Variants in DPH6 observed in about 807,000 individuals in gnomAD.
DPH6 encodes diphthine--ammonia ligase.
A neutral mutation model predicts 38.2 loss-of-function variants in DPH6; 33 were observed. The ratio of observed to expected loss-of-function variants is 0.86; its 90% CI spans 0.65 to 1.15. The LOEUF (loss-of-function observed/expected upper bound fraction) is 1.15, where lower values mean the gene tolerates loss of function less well. Ranked by LOEUF, DPH6 falls within the 50% of genes most tolerant of loss-of-function variation. The pLI is 0.00. For synonymous variants in DPH6, 108 were observed against 103.0 expected (o/e 1.05, Z -0.30); for missense variants, 325 against 320.0 (o/e 1.02, Z -0.12).
chr15:35,465,487 A>G (rs1006680174), intron 3 of DPH6, among the ~76,000 whole-genome samples: 4 of 152,186 alleles, frequency 2.6e-5, no homozygotes, highest in Admixed American at 2.6e-4. Context: ...TTTTCCTTAA[A>G]CTTCAAATTT....
chr15:35,194,677 C>T, the DPH6 span, among the ~76,000 whole-genome samples: 142 of 152,284 alleles, frequency 9.3e-4, no homozygotes, highest in African/African-American at 3.3e-3. Context: ...GATTGCAGAT[C>T]CCACGAAAAG....
intron 3 of DPH6, among the ~76,000 whole-genome samples, chr15:35,508,621 TC>T: frequency 6.6e-6 from 1 of 152,256 alleles, no homozygotes; most frequent in South Asian, 2.1e-4. Context: ...TAATACCTAA[TC>T]TTGAGCAAGG....
intron 3 of DPH6, among the ~76,000 whole-genome samples, chr15:35,499,414 G>C (rs1029964554): frequency 6.6e-6 from 1 of 151,932 alleles, no homozygotes; most frequent in Non-Finnish European, 1.5e-5. Context: ...TATCTCCTCT[G>C]TCCTAGTCTA....
At chr15:35,453,433 T>C (rs2053960130) in intron 4 of DPH6, among the ~76,000 whole-genome samples, 1 of 152,222 alleles carries the variant, frequency 6.6e-6, no homozygotes, top group Non-Finnish European at 1.5e-5. Context: ...TAAAAAACAC[T>C]AATTTTTAAA....
chr15:35,411,198 T>C (rs1283561568), intron 5 of DPH6, among the ~76,000 whole-genome samples: 2 of 151,610 alleles, frequency 1.3e-5, no homozygotes, highest in South Asian at 2.1e-4. Context: ...AAAAAAAGAG[T>C]ATCATTTCAA....
intron 3 of DPH6, among the ~76,000 whole-genome samples, chr15:35,273,834 G>A (rs1264617765): frequency 6.6e-6 from 1 of 152,154 alleles, no homozygotes; most frequent in Admixed American, 6.5e-5. Context: ...ACTGCCTAAA[G>A]TAATTTATAG....
intron 3 of DPH6, among the ~76,000 whole-genome samples, chr15:35,225,025 G>T (rs1056939637): frequency 6.6e-6 from 1 of 152,108 alleles, no homozygotes; most frequent in East Asian, 1.9e-4. Flanking sequence ...TTTGTTTCAG[G>T]ATCCCATCCA....
chr15:35,433,589 A>G (rs996075926), intron 5 of DPH6, among the ~76,000 whole-genome samples: 1 of 152,216 alleles, frequency 6.6e-6, no homozygotes, highest in African/African-American at 2.4e-5. Flanking sequence ...CCATTGTAGC[A>G]TGAAAACAGC....
At chr15:35,172,302 ACT>A in the DPH6 span, among the ~76,000 whole-genome samples, 5 of 152,150 alleles carry the variant, frequency 3.3e-5, no homozygotes, top group African/African-American at 1.2e-4. Context: ...ATCATTTCTG[ACT>A]CTGAATTTAT....
chr15:35,475,499 C>T (rs1317029964), intron 3 of DPH6, among the ~76,000 whole-genome samples: 3 of 151,870 alleles, frequency 2.0e-5, no homozygotes, highest in Non-Finnish European at 4.4e-5. Flanking sequence ...GACCAACTAT[C>T]CGGTGACCAT....
At chr15:35,186,881 C>T in the DPH6 span, among the ~76,000 whole-genome samples, 1 of 151,898 alleles carries the variant, frequency 6.6e-6, no homozygotes, top group Admixed American at 6.6e-5. Flanking sequence ...TATGAAGATT[C>T]CTCAAAAAAT....
Position 35,499,204 on chromosome 15 carries a change from T to C in DPH6, c.312+39070A>G, listed in dbSNP as rs189427014. ...AACTTGTCCCTACTACTTATATTTC[T>C]TTCCACTTCCCTTTGCTCTTGACAA... On this transcript the variant is annotated intron_variant, in intron 3 of 8. Coordinates refer to ENST00000256538, the MANE Select transcript of DPH6 (RefSeq NM_080650.4). Among the ~76,000 whole-genome samples, 580 of 152,264 alleles carry C rather than the reference T, an allele frequency of 3.8e-3. 4 individuals are homozygous for C. Among genetic ancestry groups the C allele is most frequent in the Non-Finnish European group, 4.1e-3 (276 of 68,020 alleles).
At chr15:35,176,898 C>G in the DPH6 span, among the ~76,000 whole-genome samples, 751 of 152,220 alleles carry the variant, frequency 4.9e-3, 7 homozygotes, top group Middle Eastern at 0.034. Context: ...TGTGAAATAT[C>G]AAAAAGACTA....
At chr15:35,533,739 T>TAAA in intron 3 of DPH6, among the ~76,000 whole-genome samples, 1 of 151,514 alleles carries the variant, frequency 6.6e-6, no homozygotes, top group East Asian at 1.9e-4. Context: ...TCAATAATAA[T>TAAA]AAACAGAAGG....
At chr15:35,517,909 A>G (rs2054869228) in intron 3 of DPH6, among the ~76,000 whole-genome samples, 1 of 152,062 alleles carries the variant, frequency 6.6e-6, no homozygotes, top group Non-Finnish European at 1.5e-5. Flanking sequence ...TTCATTTCCT[A>G]TAATTATTTG....
the DPH6 span, among the ~76,000 whole-genome samples, chr15:35,190,151 A>G: frequency 3.2e-4 from 49 of 152,342 alleles, no homozygotes; most frequent in South Asian, 3.5e-3. Context: ...TATGGAAGGC[A>G]ACTGTGCTCC....
At position 35,276,751 on chromosome 15, in the gene DPH6, T is replaced by C. The variant is rs111984373; in HGVS notation, n.201-56169A>G. On this transcript the variant is annotated intron_variant and non_coding_transcript_variant, in intron 3 of 3. Coordinates refer to the DPH6 transcript ENST00000560386. ...GAAAGATCATTTGGCTGTACTTGGA[T>C]TTATTTCTGGGTTCTCTATTCTGTT... 3.8e-3 allele frequency among the ~76,000 whole-genome samples: 582 copies of C among 152,110 alleles called. 9 individuals are homozygous for C. Among genetic ancestry groups the C allele is most frequent in the African/African-American group, 0.013 (533 of 41,546 alleles).
intron 3 of DPH6, among the ~76,000 whole-genome samples, chr15:35,222,860 T>A (rs2051451889): frequency 1.3e-5 from 2 of 152,088 alleles, no homozygotes; most frequent in African/African-American, 4.8e-5. Flanking sequence ...CCACAAGGAA[T>A]TTCCTTGTGG....
At chr15:35,173,933 A>G in the DPH6 span, among the ~76,000 whole-genome samples, 518 of 152,272 alleles carry the variant, frequency 3.4e-3, 4 homozygotes, top group Middle Eastern at 0.02. Context: ...CATTCAACAA[A>G]TATATCATGT....
Sources: gnomAD v4.1 joint callset for allele counts (sites outside exome capture counted in the v4.1 genomes callset) on GRCh38, gnomAD v4.1.1 for gene constraint, MANE v1.5 for transcripts, NCBI Gene and HGNC (gene_info 2026-07-23, HGNC 2026-07-21) for gene names.